The following SESN1 variants were observed in gnomAD, a reference collection of about 807,000 sequenced individuals.
SESN1 encodes sestrin 1.
A neutral mutation model predicts 59.3 loss-of-function variants in SESN1; 30 were observed. The ratio of observed to expected loss-of-function variants is 0.51; its 90% CI spans 0.38 to 0.69. The LOEUF (loss-of-function observed/expected upper bound fraction) is 0.69, where lower values mean the gene tolerates loss of function less well. Ranked by LOEUF, SESN1 falls within the 30% of genes least tolerant of loss-of-function variation. The probability of loss-of-function intolerance (pLI) is 0.00; values close to 1 mark genes in which losing one functional copy is unlikely to be tolerated. For synonymous variants in SESN1, 197 were observed against 219.9 expected, an observed-to-expected ratio of 0.90 and a Z score of 0.92; for missense variants, 566 against 673.0, an observed-to-expected ratio of 0.84 and a Z score of 1.76.
intron 1 of SESN1, among the ~76,000 whole-genome samples, chr6:109,034,513 G>A (rs1304620849): frequency 6.6e-6 from 1 of 152,138 alleles, no homozygotes; most frequent in East Asian, 1.9e-4. Context: ...TCGTAGAAAT[G>A]TGTAGTTTCC....
At chr6:109,023,784 A>G (rs907868893) in intron 1 of SESN1, among the ~76,000 whole-genome samples, 1 of 152,356 alleles carries the variant, frequency 6.6e-6, no homozygotes, top group African/African-American at 2.4e-5. Flanking sequence ...AACAAAATGT[A>G]ACATTTTATG....
chr6:109,020,903 T>G (rs1041623645), intron 1 of SESN1, among the ~76,000 whole-genome samples: 10 of 152,190 alleles, frequency 6.6e-5, no homozygotes, highest in African/African-American at 2.2e-4. Context: ...ACTTAAACCA[T>G]TTGATGGTTG....
intron 5 of SESN1, among the ~76,000 whole-genome samples, chr6:108,995,133 T>A (rs1401398005): frequency 6.6e-6 from 1 of 152,224 alleles, no homozygotes; most frequent in African/African-American, 2.4e-5. Flanking sequence ...AAAAAAATGA[T>A]TTTAAGAACA....
At chr6:109,068,702 AC>A in intron 1 of SESN1, among the ~76,000 whole-genome samples, 1 of 151,238 alleles carries the variant, frequency 6.6e-6, no homozygotes, top group East Asian at 1.9e-4. Context: ...TCTGACATAC[AC>A]CAGTGAAATT....
chr6:109,010,477 CAA>C (rs962467457), intron 1 of SESN1, among the ~76,000 whole-genome samples: 6 of 152,084 alleles, frequency 3.9e-5, no homozygotes, highest in African/African-American at 1.4e-4. Context: ...GACAAGGAAA[CAA>C]GTGGAATTTA....
At chr6:108,995,713 G>A (rs1187821259) in intron 5 of SESN1, among the ~76,000 whole-genome samples, 1 of 152,204 alleles carries the variant, frequency 6.6e-6, no homozygotes, top group Admixed American at 6.5e-5. Flanking sequence ...CCCAGGAGGA[G>A]TTCAAGGCTG....
At chr6:109,018,019 T>G (rs962141469) in intron 1 of SESN1, among the ~76,000 whole-genome samples, 26 of 152,252 alleles carry the variant, frequency 1.7e-4, no homozygotes, top group East Asian at 3.9e-4. Context: ...AGAACAATAA[T>G]AAGAAGAAGA....
intron 1 of SESN1, among the ~76,000 whole-genome samples, chr6:109,069,979 C>T (rs566357077): frequency 6.6e-6 from 1 of 152,328 alleles, no homozygotes; most frequent in African/African-American, 2.4e-5. Flanking sequence ...CATTACATCA[C>T]CTACTGCTGA....
In SESN1 at chr6:108,998,637, T is replaced by G. The variant is rs746639044; in HGVS notation, c.848A>C (p.Glu283Ala). ...TGTGTGGCCACCATCACAATGAATT[T>G]CTGGACTGATTCCACAGCCGAATGT... is the stretch of plus-strand genomic sequence containing the variant. ...SFTFGCGISP[E>A]IHCDGGHTFR... is the part of the protein sequence containing the mutation. Residue 283 changes from glutamate to alanine, a missense_variant, in exon 5 of 10, where the codon GAA becomes GCA. Glu to Ala is a moderately radical substitution (Grantham distance 107). Transcript: ENST00000436639. 6.2e-7 allele frequency: 1 copy of G among 1,613,990 alleles called. No homozygotes were observed. The highest frequency in any genetic ancestry group is 8.5e-7 in the Non-Finnish European group (1 of 1,179,856).
At chr6:109,002,431 C>A (rs1471017107) in intron 1 of SESN1, 88 bp from the exon 2 acceptor site, 2 of 983,802 alleles carry the variant, frequency 2.0e-6, no homozygotes, top group Non-Finnish European at 3.2e-6. Flanking sequence ...AACAACCAGT[C>A]GAACAGAGAC....
intron 1 of SESN1, among the ~76,000 whole-genome samples, chr6:109,029,505 C>T (rs1295598738): frequency 6.6e-6 from 1 of 152,090 alleles, no homozygotes; most frequent in Non-Finnish European, 1.5e-5. Context: ...CTCCTCAAGC[C>T]ACTCCTTTCC....
At chr6:109,092,592 AATGGATCAT>A (rs1428805234) in intron 1 of SESN1, among the ~76,000 whole-genome samples, 3 of 152,194 alleles carry the variant, frequency 2.0e-5, no homozygotes, top group Non-Finnish European at 4.4e-5. Flanking sequence ...TACAAAAACT[AATGGATCAT>A]ATAGTCAGTC....
chr6:109,035,321 T>A (rs1380602912), intron 1 of SESN1, among the ~76,000 whole-genome samples: 1 of 152,152 alleles, frequency 6.6e-6, no homozygotes, highest in East Asian at 1.9e-4. Context: ...GAGAGCTAAG[T>A]CAGGTATTTT....
Position 109,094,018 on chromosome 6 carries a change from G to C in SESN1, c.56C>G (p.Thr19Ser). Residue 19 changes from threonine (T) to serine (S), a missense_variant, in exon 1 of 10, where the codon ACT becomes AGT. Physicochemically the swap from Thr to Ser is moderately conservative, Grantham distance 58. Transcript: ENST00000436639. ...GTTTTCCAATGCTGTCTCCCTAGTAGTTGAATCTCTGCTGCAGAGTCCATC... is the reference window on the plus strand; with the variant it reads ...GTTTTCCAATGCTGTCTCCCTAGTACTTGAATCTCTGCTGCAGAGTCCATC... Reference protein sequence around the residue: ...RWDGLCSRDSTTRETALENIR... With the variant: ...RWDGLCSRDSSTRETALENIR... 1 of 1,614,132 alleles carries C rather than the reference G, an allele frequency of 6.2e-7. No homozygotes were observed. Among genetic ancestry groups the C allele is most frequent in the Non-Finnish European group, 8.5e-7 (1 of 1,180,022 alleles).
chr6:109,045,765 C>T (rs1780419648), intron 1 of SESN1, among the ~76,000 whole-genome samples: 1 of 152,214 alleles, frequency 6.6e-6, no homozygotes. Flanking sequence ...TATACCATAA[C>T]TGCCTGTTTA....
intron 1 of SESN1, among the ~76,000 whole-genome samples, chr6:109,050,079 G>A (rs1369838875): frequency 2.6e-5 from 4 of 152,168 alleles, no homozygotes; most frequent in Non-Finnish European, 5.9e-5. Context: ...GGCCAATTTA[G>A]TGAAAAAGCC....
Position 108,990,721 on chromosome 6 carries a change from C to T in SESN1, c.1348G>A (p.Ala450Thr). ...IAYNLTYNTMAMHKDVDTSML... is the reference protein window; with the variant it reads ...IAYNLTYNTMTMHKDVDTSML... ...GAGGTATCAACATCTTTGTGCATTG[C>T]CATTGTATTATAAGTAAGATTGTAA... The change falls in exon 8 of 10, where the codon GCA (alanine) becomes ACA (threonine). Residue 450 changes from alanine (A) to threonine (T), a missense_variant. Transcript: ENST00000436639. 6.2e-7 allele frequency: 1 copy of T among 1,614,042 alleles called. No homozygotes were observed. Among genetic ancestry groups the T allele is most frequent in the Non-Finnish European group, 8.5e-7 (1 of 1,179,958 alleles).
At chr6:109,022,018 G>A (rs1780019074) in intron 1 of SESN1, among the ~76,000 whole-genome samples, 1 of 151,744 alleles carries the variant, frequency 6.6e-6, no homozygotes, top group African/African-American at 2.4e-5. Flanking sequence ...CAGTCAACCA[G>A]TGTTAATTAA....
At chr6:109,005,896 GCTGT>G (rs1164554592) in intron 1 of SESN1, among the ~76,000 whole-genome samples, 1 of 152,128 alleles carries the variant, frequency 6.6e-6, no homozygotes, top group Admixed American at 6.5e-5. Flanking sequence ...AACAGATTTG[GCTGT>G]CTAATTTCTC....
Sources: allele counts gnomAD v4.1 joint callset (sites outside exome capture counted in the v4.1 genomes callset), GRCh38; gene constraint gnomAD v4.1.1; transcripts MANE v1.5; gene names NCBI Gene and HGNC (gene_info 2026-07-23, HGNC 2026-07-21).